Variants in ATF6 observed in about 807,000 individuals in gnomAD.
ATF6 encodes the protein activating transcription factor 6.
Under a neutral mutation model 83.6 loss-of-function variants are expected in ATF6, and 53 were observed. The ratio of observed to expected loss-of-function variants is 0.63; its 90% CI spans 0.51 to 0.80. The LOEUF is 0.80. Among genes scored for constraint, ATF6 ranks in the 30% least tolerant of loss-of-function variants. The pLI is 0.00. For missense variants in ATF6, 744 were observed against 797.9 expected (o/e 0.93, Z 0.81); for synonymous variants, 288 against 285.8 (o/e 1.01, Z -0.08).
chr1:161,904,730 G>A (rs1687850828), intron 14 of ATF6, among the ~76,000 whole-genome samples: 1 of 152,252 alleles, frequency 6.6e-6, no homozygotes, highest in East Asian at 1.9e-4. Flanking sequence ...CACCCTATGT[G>A]ATATGAAAAG....
Position 161,818,043 on chromosome 1 carries a change from G to A in ATF6, c.910-1590G>A, listed in dbSNP as rs538876572. The stretch of plus-strand genomic sequence containing the variant: ...GTGAACCTGGGAGGCGGAGCTTGCA[G>A]CGGGCCGAGATCTCCCCACCGTACT... On this transcript the variant is annotated intron_variant, in intron 7 of 15. Transcript: ENST00000367942. 1.7e-4 allele frequency among the ~76,000 whole-genome samples: 26 copies of A among 150,008 alleles called. 1 individual carries two copies. Among genetic ancestry groups the A allele is most frequent in the South Asian group, 1.7e-3 (8 of 4,732 alleles).
At chr1:161,948,069 C>T (rs948664829) in intron 15 of ATF6, among the ~76,000 whole-genome samples, 9 of 151,940 alleles carry the variant, frequency 5.9e-5, no homozygotes, top group Non-Finnish European at 1.2e-4. Context: ...AGTGATCCAC[C>T]CCCCCGTCAG....
intron 10 of ATF6, among the ~76,000 whole-genome samples, chr1:161,851,284 G>T (rs1686621925): frequency 6.9e-6 from 1 of 144,838 alleles, no homozygotes; most frequent in Non-Finnish European, 1.5e-5. Flanking sequence ...ACCCCTACCT[G>T]TTTTACAGAT....
At chr1:161,950,397 T>C (rs1192631668) in intron 15 of ATF6, among the ~76,000 whole-genome samples, 1 of 152,164 alleles carries the variant, frequency 6.6e-6, no homozygotes, top group African/African-American at 2.4e-5. Flanking sequence ...GAAGAAAGAG[T>C]ACTCTTTGGC....
chr1:161,909,810 G>A (rs1374294800), intron 14 of ATF6, among the ~76,000 whole-genome samples: 1 of 152,146 alleles, frequency 6.6e-6, no homozygotes, highest in Non-Finnish European at 1.5e-5. Flanking sequence ...CAAAAAATTA[G>A]CCGGGCATGG....
At chr1:161,886,104 G>A (rs1323573783) in intron 14 of ATF6, among the ~76,000 whole-genome samples, 2 of 152,162 alleles carry the variant, frequency 1.3e-5, no homozygotes, top group Non-Finnish European at 2.9e-5. Flanking sequence ...GATGAGTAGG[G>A]TAGAGAGTAG....
chr1:161,861,014 A>G (rs1460032769), intron 13 of ATF6, among the ~76,000 whole-genome samples: 1 of 152,196 alleles, frequency 6.6e-6, no homozygotes, highest in East Asian at 1.9e-4. Flanking sequence ...CAAGCAGATT[A>G]CATGCAATTG....
intron 15 of ATF6, among the ~76,000 whole-genome samples, chr1:161,953,508 C>G (rs1310491794): frequency 1.3e-5 from 2 of 152,122 alleles, no homozygotes; most frequent in African/African-American, 4.8e-5. Context: ...TCCACAATAC[C>G]CTTATCACAG....
intron 14 of ATF6, among the ~76,000 whole-genome samples, chr1:161,911,650 T>C (rs1233163974): frequency 6.6e-6 from 1 of 152,228 alleles, no homozygotes; most frequent in Non-Finnish European, 1.5e-5. Flanking sequence ...TGCAAATAAA[T>C]GTCTAATTCT....
At chr1:161,851,170 A>C (rs1003867488) in intron 10 of ATF6, among the ~76,000 whole-genome samples, 6 of 135,586 alleles carry the variant, frequency 4.4e-5, no homozygotes, top group African/African-American at 1.4e-4. Context: ...ACACACACAC[A>C]CCCCTACCTG....
At chr1:161,877,401 C>T (rs1050713690) in intron 14 of ATF6, among the ~76,000 whole-genome samples, 1 of 152,066 alleles carries the variant, frequency 6.6e-6, no homozygotes, top group African/African-American at 2.4e-5. Flanking sequence ...TAGCTGATAT[C>T]TCAAACATGG....
intron 14 of ATF6, among the ~76,000 whole-genome samples, chr1:161,884,274 A>G (rs1687375196): frequency 2.0e-5 from 3 of 152,168 alleles, no homozygotes; most frequent in African/African-American, 7.2e-5. Context: ...CAAAATGTGA[A>G]TCTTACTTTC....
chr1:161,771,499 A>G (rs559109916), intron 1 of ATF6, among the ~76,000 whole-genome samples: 1 of 152,290 alleles, frequency 6.6e-6, no homozygotes, highest in Non-Finnish European at 1.5e-5. Context: ...ATTGTCCTTC[A>G]CTGCTATTCT....
chr1:161,944,405 A>G (rs150146513), intron 15 of ATF6, among the ~76,000 whole-genome samples: 32 of 152,282 alleles, frequency 2.1e-4, no homozygotes, highest in African/African-American at 7.2e-4. Context: ...GTCAGTTCAG[A>G]GCTCTTCACA....
At chr1:161,815,215 A>G (rs1043684445) in intron 7 of ATF6, among the ~76,000 whole-genome samples, 7 of 116,506 alleles carry the variant, frequency 6.0e-5, no homozygotes, top group Non-Finnish European at 1.2e-4. Flanking sequence ...TTTTTGAGAT[A>G]GGCTCTTACT....
intron 12 of ATF6, among the ~76,000 whole-genome samples, chr1:161,853,663 C>A (rs1686695008): frequency 6.6e-6 from 1 of 152,204 alleles, no homozygotes; most frequent in Non-Finnish European, 1.5e-5. Context: ...TGCTTATCTC[C>A]TCTTTTCTTA....
chr1:161,884,124 A>AAT (rs1467196711), intron 14 of ATF6, among the ~76,000 whole-genome samples: 13 of 152,040 alleles, frequency 8.6e-5, no homozygotes, highest in Admixed American at 8.5e-4. Flanking sequence ...GATTAGGGAG[A>AAT]ATATAGTGTC....
chr1:161,869,556 G>A (rs2101846529), intron 14 of ATF6, among the ~76,000 whole-genome samples: 1 of 151,912 alleles, frequency 6.6e-6, no homozygotes, highest in African/African-American at 2.4e-5. Flanking sequence ...AGTTTGGAAA[G>A]ATACTTGCAT....
rs149641858 is a variant in ATF6, at chr1:161,873,493, A to G, written c.1719+10181A>G. On this transcript the variant is annotated intron_variant, in intron 14 of 15. Coordinates refer to ENST00000367942, the MANE Select transcript of ATF6 (RefSeq NM_007348.4). ...CATGTCATTTCCTCCCCTCTCCTAT[A>G]TAGTATACAGTGATTTGTTCATTTT... Among the ~76,000 whole-genome samples the G allele has an allele frequency of 2.5e-3, 385 of 151,638 alleles. 5 individuals carry two copies. The highest frequency in any genetic ancestry group is 0.02 in the Admixed American group (298 of 15,196).
Sources: allele counts gnomAD v4.1 joint callset (sites outside exome capture counted in the v4.1 genomes callset), GRCh38; gene constraint gnomAD v4.1.1; transcripts MANE v1.5; gene names NCBI Gene and HGNC (gene_info 2026-07-23, HGNC 2026-07-21).